Variants in DNAH14 observed in about 807,000 individuals in gnomAD.
DNAH14 encodes the protein axonemal beta dynein heavy chain 14.
DNAH14 carries 478 observed loss-of-function variants against 520.9 expected under a neutral mutation model. That is an observed-to-expected ratio of 0.92 (90% CI 0.85 to 0.99). DNAH14 has a LOEUF of 0.99. Ranked by LOEUF, DNAH14 falls within the 50% of genes least tolerant of loss-of-function variation. The probability of loss-of-function intolerance (pLI) is 0.00; values close to 1 mark genes in which losing one functional copy is unlikely to be tolerated. For missense variants in DNAH14, 4,831 were observed against 5,234.5 expected (o/e 0.92, Z 2.38); for synonymous variants, 1,581 against 1,757.2 (o/e 0.90, Z 2.51).
intron 73 of DNAH14, chr1:225,357,784 AGCT>A (rs1454515064): frequency 2.8e-6 from 2 of 702,170 alleles, no homozygotes; most frequent in Non-Finnish European, 5.2e-6. Flanking sequence ...TGACGTGTGT[AGCT>A]TCAGTTTTGC....
Position 225,042,064 on chromosome 1 carries a change from A to G in DNAH14, c.1489-771A>G, listed in dbSNP as rs10915762. On this transcript the variant is annotated intron_variant, in intron 12 of 85. Coordinates refer to ENST00000682510, the MANE Select transcript of DNAH14 (RefSeq NM_001367479.1). The stretch of plus-strand genomic sequence containing the variant: ...ATTTAAGATTTGCAAGTCACCTTCA[A>G]TATCTACTCATGCTCTTTCACCGGC... 3.5e-3 allele frequency among the ~76,000 whole-genome samples: 526 copies of G among 152,304 alleles called. 14 individuals carry two copies. The East Asian group carries it at 0.053, about 15-fold the overall frequency.
chr1:225,158,020 A>G (rs1005931915), intron 34 of DNAH14, among the ~76,000 whole-genome samples: 14 of 152,222 alleles, frequency 9.2e-5, no homozygotes, highest in African/African-American at 3.1e-4. Flanking sequence ...TGTATATTTC[A>G]AAATAACCTG....
intron 38 of DNAH14, among the ~76,000 whole-genome samples, chr1:225,197,143 A>G (rs1300319372): frequency 6.6e-6 from 1 of 151,618 alleles, no homozygotes; most frequent in Non-Finnish European, 1.5e-5. Context: ...GGTTTTTTCA[A>G]TGATATTTTG....
chr1:225,123,431 A>G (rs1322738953), intron 26 of DNAH14, 96 bp from the exon 27 acceptor site: 1 of 223,824 alleles, frequency 4.5e-6, no homozygotes, highest in East Asian at 1.2e-4. Context: ...GAGATCTTAA[A>G]GGAAAACTCC....
rs200027312 is a variant in DNAH14, at chr1:225,336,035, A to G, written c.10081-1231A>G. Among the ~76,000 whole-genome samples the G allele has an allele frequency of 3.5e-5, 3 of 85,248 alleles. No individual in the cohort carries two copies. The South Asian group carries it at 1.3e-3, about 36-fold the overall frequency. 55.9% of individuals were successfully genotyped at this position (85,248 alleles called of 152,430 possible). A position where few individuals can be genotyped will look rare whatever the true frequency, so the allele number is the denominator to read the frequency against. ...CGCATATATGCATATATGTATATAC[A>G]CACATATATGCATATATACATATAT... is the stretch of plus-strand genomic sequence containing the variant. On this transcript the variant is annotated intron_variant, in intron 66 of 85. Coordinates refer to ENST00000682510, the MANE Select transcript of DNAH14 (RefSeq NM_001367479.1).
chr1:225,067,499 G>A (rs989073838), intron 17 of DNAH14, among the ~76,000 whole-genome samples: 11 of 152,076 alleles, frequency 7.2e-5, no homozygotes, highest in African/African-American at 2.2e-4. Flanking sequence ...GCATTGCTGG[G>A]TCAAATGGTA....
intron 34 of DNAH14, among the ~76,000 whole-genome samples, chr1:225,154,467 A>T (rs1043740722): frequency 3.9e-5 from 6 of 152,150 alleles, no homozygotes; most frequent in Non-Finnish European, 8.8e-5. Context: ...ATTAAGACAT[A>T]TAACAAAGCT....
chr1:225,081,446 A>G (rs2073108008), intron 19 of DNAH14, among the ~76,000 whole-genome samples: 1 of 152,210 alleles, frequency 6.6e-6, no homozygotes, highest in South Asian at 2.1e-4. Context: ...GCTTTAACAT[A>G]ACACTGATTG....
intron 1 of DNAH14, among the ~76,000 whole-genome samples, chr1:224,940,931 G>T (rs1182718847): frequency 2.0e-5 from 3 of 152,060 alleles, no homozygotes; most frequent in Non-Finnish European, 2.9e-5. Flanking sequence ...TTGGACATTT[G>T]GGTTGGTTCC....
rs2095159840 is a variant in DNAH14 at position 225,340,663 on chromosome 1, TA to T, written c.10641del (p.Glu3548ArgfsTer5). The T allele has an allele frequency of 1.3e-6, 2 of 1,551,156 alleles. No homozygotes were observed. The highest frequency in any genetic ancestry group is 1.4e-5 in the African/African-American group (1 of 73,004). On this transcript the variant is annotated frameshift_variant, in exon 69 of 86. Coordinates refer to ENST00000682510, the MANE Select transcript of DNAH14 (RefSeq NM_001367479.1). LOFTEE classifies it high-confidence loss of function. Reference sequence around the variant, plus strand: ...CTTGATGCCATAACTCTTGAAGAACTAGAGGAAAAAACATTAAATTTACTGC... The same window carrying T: ...CTTGATGCCATAACTCTTGAAGAACTGAGGAAAAAACATTAAATTTACTGC... ...ISLDAITLEELEEKTLNLLQK... is the reference protein window; with the variant it reads ...ISLDAITLEEXEEKTLNLLQK...
intron 72 of DNAH14, 114 bp from the exon 73 acceptor site, chr1:225,353,689 T>C: frequency 1.5e-6 from 1 of 661,786 alleles, no homozygotes; most frequent in Non-Finnish European, 2.7e-6. Context: ...GTCAGCCATG[T>C]TTAGAAAAAA....
rs187943139 is a variant in DNAH14, at chr1:225,273,277, A to G, written c.8010+152A>G. On this transcript the variant is annotated intron_variant, in intron 52 of 85. Coordinates refer to ENST00000682510, the MANE Select transcript of DNAH14 (RefSeq NM_001367479.1). ...AAACCCCGTGTCTACTAAAAATACA[A>G]AAAAATTAGCCGGGCGTGGTGATGG... Among the ~76,000 whole-genome samples the G allele has an allele frequency of 7.1e-3, 1,083 of 152,224 alleles. 9 individuals are homozygous for G. Among genetic ancestry groups the G allele is most frequent in the African/African-American group, 0.024 (1,014 of 41,540 alleles).
chr1:225,207,633 G>GT (rs2087762261), intron 41 of DNAH14, among the ~76,000 whole-genome samples: 1 of 152,168 alleles, frequency 6.6e-6, no homozygotes, highest in Admixed American at 6.5e-5. Flanking sequence ...AGAAAATCAT[G>GT]TAGTATTATA....
At chr1:225,142,602 A>G (rs888736579) in intron 28 of DNAH14, among the ~76,000 whole-genome samples, 19 of 152,194 alleles carry the variant, frequency 1.2e-4, no homozygotes, top group African/African-American at 4.6e-4. Flanking sequence ...GCAGTACACA[A>G]TAGGCATATC....
chr1:225,306,905 T>C (rs1242055397), intron 58 of DNAH14, among the ~76,000 whole-genome samples: 1 of 152,040 alleles, frequency 6.6e-6, no homozygotes, highest in Non-Finnish European at 1.5e-5. Context: ...GAAATTTCAG[T>C]AGTCCAGTTT....
chr1:225,251,765 GCA>G (rs1170634161), intron 43 of DNAH14, among the ~76,000 whole-genome samples: 2 of 152,072 alleles, frequency 1.3e-5, no homozygotes, highest in East Asian at 1.9e-4. Flanking sequence ...AAAAAAATTT[GCA>G]CACACACTTT....
intron 27 of DNAH14, among the ~76,000 whole-genome samples, chr1:225,128,118 C>A (rs543433578): frequency 1.3e-5 from 2 of 152,086 alleles, no homozygotes; most frequent in African/African-American, 4.8e-5. Flanking sequence ...GTAACCCGAC[C>A]GTTCTCTCTG....
chr1:225,226,884 A>C (rs1210111362), intron 41 of DNAH14, among the ~76,000 whole-genome samples: 1 of 152,180 alleles, frequency 6.6e-6, no homozygotes, highest in Non-Finnish European at 1.5e-5. Context: ...ACTCTTTGTC[A>C]TAAATAAGTT....
chr1:225,217,048 G>T (rs539375220), intron 41 of DNAH14, among the ~76,000 whole-genome samples: 13 of 152,198 alleles, frequency 8.5e-5, no homozygotes, highest in Admixed American at 2.6e-4. Context: ...TCTACCTTTG[G>T]TCTTTGATGA....
Sources: gnomAD v4.1 joint callset for allele counts (sites outside exome capture counted in the v4.1 genomes callset) on GRCh38, gnomAD v4.1.1 for gene constraint, MANE v1.5 for transcripts, NCBI Gene and HGNC (gene_info 2026-07-23, HGNC 2026-07-21) for gene names.